The following RHOBTB2 variants were observed in gnomAD, a reference collection of about 807,000 sequenced individuals.
The protein encoded by RHOBTB2 is Rho related BTB domain containing 2.
In RHOBTB2, 39 loss-of-function variants were observed where a neutral mutation model predicts 66.5. The observed-to-expected ratio is 0.59, with a 90% confidence interval of 0.45 to 0.77. The LOEUF (loss-of-function observed/expected upper bound fraction) is 0.77. RHOBTB2 is among the 30% of genes least tolerant of loss of function. The pLI is 0.00. For missense variants in RHOBTB2, 755 were observed against 999.1 expected (o/e 0.76, Z 3.29); for synonymous variants, 390 against 395.0 (o/e 0.99, Z 0.15).
At chr8:22,971,884 T>C in the RHOBTB2 span, among the ~76,000 whole-genome samples, 1 of 152,328 alleles carries the variant, frequency 6.6e-6, no homozygotes, top group Non-Finnish European at 1.5e-5. Flanking sequence ...TCTAAGTTGA[T>C]TTACCCCCTT....
Position 22,994,461 on chromosome 8 carries a change from C to T in RHOBTB2, c.-23-100C>T. On this transcript the variant is annotated intron_variant, in intron 2 of 11. Coordinates refer to the RHOBTB2 transcript ENST00000519685. ...TCTTGTCCTGAGTAGGGCCCTCTAT[C>T]TGGGCTGAGCGACCTTGGAGTAATT... The T allele has an allele frequency of 4.3e-6, 3 of 702,040 alleles. No homozygotes were observed. The South Asian group carries it at 5.5e-5, about 13-fold the overall frequency. The allele number at this position is 702,040 out of a possible 1,614,324, so 43.5% of individuals were successfully genotyped here.
the RHOBTB2 span, among the ~76,000 whole-genome samples, chr8:22,973,102 T>C: frequency 1.3e-5 from 2 of 152,200 alleles, no homozygotes; most frequent in Admixed American, 6.5e-5. Flanking sequence ...GAAAGTCATG[T>C]TGGTCCTCCA....
chr8:23,006,480 G>A lies in RHOBTB2; in HGVS notation c.483-248G>A, dbSNP rs986437950. 3.5e-6 allele frequency: 2 copies of A among 566,746 alleles called. No homozygotes were observed. The highest frequency in any genetic ancestry group is 3.7e-5 in the African/African-American group (2 of 53,502). 35.1% of individuals were successfully genotyped at this position (566,746 alleles called of 1,614,324 possible). A position where few individuals can be genotyped will look rare whatever the true frequency, so the allele number is the denominator to read the frequency against. On this transcript the variant is annotated intron_variant, in intron 4 of 9. Transcript: ENST00000251822. The surrounding 1 kb of genome is among the most constrained non-coding windows in gnomAD (Gnocchi z 6.1). Reference sequence around the variant, plus strand: ...AGCATTGCCTGCTAATTGCCAGAGAGGCAGTGCTGTCACGGCTTTGTACTG... The same window carrying A: ...AGCATTGCCTGCTAATTGCCAGAGAAGCAGTGCTGTCACGGCTTTGTACTG...
Position 23,018,665 on chromosome 8 carries a change from C to T in RHOBTB2, c.*1196C>T, listed in dbSNP as rs1222570674. The T allele has an allele frequency of 2.0e-5, 3 of 152,332 alleles. No homozygotes were observed. Among genetic ancestry groups the T allele is most frequent in the South Asian group, 2.1e-4 (1 of 4,822 alleles). 9.4% of individuals were successfully genotyped at this position (152,332 alleles called of 1,614,324 possible). A position where few individuals can be genotyped will look rare whatever the true frequency, so the allele number is the denominator to read the frequency against. ...CTGGCGGCAAAGAGGGGTTTGGTCTCGGGGCTTAAATGGCACCAGACTCTT... is the reference window on the plus strand; with the variant it reads ...CTGGCGGCAAAGAGGGGTTTGGTCTTGGGGCTTAAATGGCACCAGACTCTT... On this transcript the variant is annotated 3_prime_UTR_variant, in exon 10 of 10. Transcript: ENST00000251822.
chr8:22,977,591 G>A, the RHOBTB2 span, among the ~76,000 whole-genome samples: 106 of 144,208 alleles, frequency 7.4e-4, no homozygotes, highest in Non-Finnish European at 1.4e-3. Context: ...AAAAAAAGCT[G>A]TTGAAAGAAC....
intron 7 of RHOBTB2, among the ~76,000 whole-genome samples, chr8:23,012,732 A>G (rs1811182946): frequency 6.6e-6 from 1 of 151,964 alleles, no homozygotes; most frequent in African/African-American, 2.4e-5. Flanking sequence ...GATCCTCCCA[A>G]CTCAGCTTCC....
Position 23,004,537 on chromosome 8 carries a change from G to T in RHOBTB2, c.103G>T (p.Ala35Ser). The T allele has an allele frequency of 1.2e-6, 2 of 1,614,208 alleles. No homozygotes were observed. Among genetic ancestry groups the T allele is most frequent in the Non-Finnish European group, 8.5e-7 (1 of 1,180,044 alleles). Residue 35 changes from alanine to serine, a missense_variant, in exon 2 of 10, where the codon GCT becomes TCT. This residue lies in a region of RHOBTB2 where 65 missense variants were observed against 152.4 expected (regional missense o/e 0.43). Coordinates refer to ENST00000251822, the MANE Select transcript of RHOBTB2 (RefSeq NM_015178.3). This position sits in a 1 kb window ranked among gnomAD's most constrained non-coding sequence, Gnocchi z 6.4. ...TAAGACCAGGCTCATCTGTGCCCGC[G>T]CTTGCAATGCCACCCTCACCCAGTA... The part of the protein sequence containing the change: ...VGKTRLICAR[A>S]CNATLTQYQL...
the RHOBTB2 span, among the ~76,000 whole-genome samples, chr8:22,952,260 G>C: frequency 2.6e-5 from 4 of 152,000 alleles, no homozygotes; most frequent in Admixed American, 2.6e-4. Context: ...TCTGCTTGTG[G>C]TGGCACCAGC....
At position 23,007,750 on chromosome 8, in the gene RHOBTB2, T is replaced by C. The variant is rs1027503610; in HGVS notation, c.1501+4T>C. 3.1e-6 allele frequency: 5 copies of C among 1,611,532 alleles called. No individual in the cohort carries two copies. The highest frequency in any genetic ancestry group is 1.7e-5 in the Admixed American group (1 of 59,850). On this transcript the variant is annotated splice_donor_region_variant and intron_variant, in intron 5 of 9. Coordinates refer to ENST00000251822, the MANE Select transcript of RHOBTB2 (RefSeq NM_015178.3). Reference sequence around the variant, plus strand: ...TTGGCAAAAGGCACCTTCTCAGGTATGGAACAGGCTTGGAAAGCAAGGGGG... The same window carrying C: ...TTGGCAAAAGGCACCTTCTCAGGTACGGAACAGGCTTGGAAAGCAAGGGGG...
upstream of RHOBTB2, chr8:22,995,853 G>T (rs761610681): frequency 1.3e-6 from 2 of 1,551,688 alleles, no homozygotes; most frequent in South Asian, 2.4e-5. Flanking sequence ...AGGCTGTAGT[G>T]TTCCAGGAGA....
chr8:22,968,422 A>C, the RHOBTB2 span, among the ~76,000 whole-genome samples: 2 of 152,168 alleles, frequency 1.3e-5, no homozygotes, highest in Non-Finnish European at 1.5e-5. Flanking sequence ...GAGAAGATTT[A>C]ATATTTCAAG....
rs773856109 is a variant in RHOBTB2 at position 23,005,431 on chromosome 8, C to T, written c.252C>T (p.Asp84=). Residue 84 remains aspartate, a synonymous_variant, in exon 3 of 10, where the codon GAC becomes GAT. Coordinates refer to ENST00000251822, the MANE Select transcript of RHOBTB2 (RefSeq NM_015178.3). The stretch of plus-strand genomic sequence containing the variant: ...TCAGCGTCTCTCTGCGCCTCTGGGA[C>T]ACCTTTGGAGACCACCACAAAGACC... ...DDVSVSLRLW[D]TFGDHHKDRR... is the part of the protein sequence containing the mutation. The T allele has an allele frequency of 1.9e-6, 3 of 1,614,036 alleles. No individual in the cohort carries two copies. Among genetic ancestry groups the T allele is most frequent in the Non-Finnish European group, 2.5e-6 (3 of 1,179,946 alleles).
chr8:22,990,903 G>T (rs924812853), intron 1 of RHOBTB2, among the ~76,000 whole-genome samples: 1 of 152,142 alleles, frequency 6.6e-6, no homozygotes, highest in Non-Finnish European at 1.5e-5. Flanking sequence ...GGTCTGGCCT[G>T]CTTGCCTGCC....
At chr8:22,974,444 T>C in the RHOBTB2 span, among the ~76,000 whole-genome samples, 2 of 152,218 alleles carry the variant, frequency 1.3e-5, no homozygotes, top group South Asian at 2.1e-4. Flanking sequence ...CCGTTTTTAG[T>C]GTCTTGGGTG....
chr8:23,015,648 C>G lies in RHOBTB2; in HGVS notation c.1871C>G (p.Ala624Gly). 1 of 1,611,984 alleles carries G rather than the reference C, an allele frequency of 6.2e-7. No individual in the cohort carries two copies. Among genetic ancestry groups the G allele is most frequent in the Non-Finnish European group, 8.5e-7 (1 of 1,178,092 alleles). The change falls in exon 9 of 10, where the codon GCG becomes GGG. Residue 624 changes from alanine to glycine, a missense_variant. Coordinates refer to ENST00000251822, the MANE Select transcript of RHOBTB2 (RefSeq NM_015178.3). ...CCCTTCTGTCCCCAGTTCCACTGTGCGTACCAGCTGGCCGACTGGTGTCTC... is the reference window on the plus strand; with the variant it reads ...CCCTTCTGTCCCCAGTTCCACTGTGGGTACCAGCTGGCCGACTGGTGTCTC... ...VFLELAQFHCAYQLADWCLHH... is the reference protein window; with the variant it reads ...VFLELAQFHCGYQLADWCLHH...
At chr8:23,010,516 C>A in intron 6 of RHOBTB2, 22 bp from the exon 7 acceptor site, 1 of 1,604,542 alleles carries the variant, frequency 6.2e-7, no homozygotes, top group Non-Finnish European at 8.5e-7. Context: ...CATTGCTGTC[C>A]GCTCACTCCT....
At chr8:22,955,666 C>G in the RHOBTB2 span, among the ~76,000 whole-genome samples, 1 of 149,614 alleles carries the variant, frequency 6.7e-6, no homozygotes, top group Middle Eastern at 3.4e-3. Flanking sequence ...ACCTCCTAGG[C>G]TCAAAGGATC....
chr8:22,985,485 G>C (rs1810271271), upstream of RHOBTB2, among the ~76,000 whole-genome samples: 1 of 152,176 alleles, frequency 6.6e-6, no homozygotes, highest in Non-Finnish European at 1.5e-5. Flanking sequence ...CTTGAACACA[G>C]TGTTTATAGA....
chr8:22,982,192 T>C, the RHOBTB2 span, among the ~76,000 whole-genome samples: 43 of 152,320 alleles, frequency 2.8e-4, no homozygotes, highest in African/African-American at 1.0e-3. Context: ...TGCCATCAAG[T>C]AGCCAAGAAA....
Sources: gnomAD v4.1 joint callset for allele counts (sites outside exome capture counted in the v4.1 genomes callset) on GRCh38, gnomAD v4.1.1 for gene constraint, gnomAD v4.1.1 regional missense constraint, Gnocchi (gnomAD v3.1) non-coding constraint, MANE v1.5 for transcripts, NCBI Gene and HGNC (gene_info 2026-07-23, HGNC 2026-07-21) for gene names.